ZHX2: variants seen among roughly 807,000 people sequenced by gnomAD.
The protein encoded by ZHX2 is zinc fingers and homeoboxes protein 2.
ZHX2 carries 6 observed loss-of-function variants against 21.9 expected under a neutral mutation model. That is an observed-to-expected ratio of 0.27 (90% confidence interval 0.15 to 0.54). The LOEUF (loss-of-function observed/expected upper bound fraction) is 0.54, where lower values mean the gene tolerates loss of function less well. ZHX2 is among the 20% of genes least tolerant of loss of function. The pLI is 0.95. For synonymous variants in ZHX2, 434 were observed against 437.1 expected (o/e 0.99, Z 0.09); for missense variants, 908 against 1,090.7 (o/e 0.83, Z 2.36).
At chr8:122,917,854 T>TC (rs1261099380) in intron 2 of ZHX2, among the ~76,000 whole-genome samples, 4 of 152,114 alleles carry the variant, frequency 2.6e-5, no homozygotes, top group African/African-American at 9.7e-5. Flanking sequence ...CACTGTGCAT[T>TC]CCTCACCCAC....
At chr8:122,815,622 G>A (rs1818014628) in intron 1 of ZHX2, 1 of 156,146 alleles carries the variant, frequency 6.4e-6, no homozygotes, top group South Asian at 2.0e-4. Context: ...AAAGGATTTA[G>A]ACTATGACTT....
At chr8:122,907,927 A>G (rs949206081) in intron 2 of ZHX2, among the ~76,000 whole-genome samples, 9 of 152,172 alleles carry the variant, frequency 5.9e-5, no homozygotes, top group Admixed American at 3.3e-4. Flanking sequence ...TCCAATGCCT[A>G]TTGCTGCATT....
At chr8:122,944,536 C>T (rs1055100756) in intron 2 of ZHX2, among the ~76,000 whole-genome samples, 3 of 152,090 alleles carry the variant, frequency 2.0e-5, no homozygotes, top group Non-Finnish European at 2.9e-5. Flanking sequence ...AAAAGGAAGT[C>T]GCTGACCACA....
At chr8:122,879,666 C>T (rs578161319) in intron 2 of ZHX2, among the ~76,000 whole-genome samples, 7 of 152,240 alleles carry the variant, frequency 4.6e-5, no homozygotes, top group Admixed American at 1.3e-4. Context: ...GTGGCAAAGG[C>T]AGATGTTACC....
At chr8:122,797,058 A>T (rs1159958838) in intron 1 of ZHX2, among the ~76,000 whole-genome samples, 1 of 152,226 alleles carries the variant, frequency 6.6e-6, no homozygotes, top group Non-Finnish European at 1.5e-5. Context: ...GGTTTCCTTC[A>T]GGTGCAGGAA....
At chr8:122,841,060 T>A (rs1208111590) in intron 1 of ZHX2, among the ~76,000 whole-genome samples, 2 of 152,182 alleles carry the variant, frequency 1.3e-5, no homozygotes, top group African/African-American at 2.4e-5. Context: ...CACTGAGCAT[T>A]GACTGTTTAC....
chr8:122,797,226 A>G (rs1445794559), intron 1 of ZHX2, among the ~76,000 whole-genome samples: 1 of 152,210 alleles, frequency 6.6e-6, no homozygotes, highest in Non-Finnish European at 1.5e-5. Context: ...TCTGTAAGGC[A>G]GCTTTCCTCC....
Position 122,844,575 on chromosome 8 carries a change from T to C in ZHX2, c.-282-18902T>C, listed in dbSNP as rs2130721350. 2.6e-5 allele frequency among the ~76,000 whole-genome samples: 4 copies of C among 152,202 alleles called. No homozygotes were observed. In the South Asian group the frequency reaches 8.3e-4, roughly 32 times the overall value. On this transcript the variant is annotated intron_variant, in intron 1 of 3. Coordinates refer to ENST00000314393, the MANE Select transcript of ZHX2 (RefSeq NM_014943.5). ...GAGAGAGGAGGTAACTTGCTGGAGG[T>C]CACAGATGAGTGAAGTGACGAGGGA...
intron 2 of ZHX2, among the ~76,000 whole-genome samples, chr8:122,884,761 A>T (rs5015914): frequency 0.55 from 83,635 of 152,002 alleles, 23,248 homozygotes; most frequent in South Asian, 0.67. Flanking sequence ...GGAGCATGTG[A>T]GCCCGGTCCA....
At chr8:122,789,265 C>T (rs2130528157) in intron 1 of ZHX2, among the ~76,000 whole-genome samples, 1 of 152,308 alleles carries the variant, frequency 6.6e-6, no homozygotes, top group South Asian at 2.1e-4. Context: ...AGCTGCAGAG[C>T]CATTTAGTTA....
At chr8:122,896,790 G>A (rs1450280304) in intron 2 of ZHX2, among the ~76,000 whole-genome samples, 1 of 152,216 alleles carries the variant, frequency 6.6e-6, no homozygotes, top group African/African-American at 2.4e-5. Context: ...TATGAAGGGA[G>A]CTTTGTAAAT....
chr8:122,911,789 C>T (rs1182299562), intron 2 of ZHX2, among the ~76,000 whole-genome samples: 1 of 152,122 alleles, frequency 6.6e-6, no homozygotes. Context: ...GTGGGACTTA[C>T]CCTCATCTGG....
At chr8:122,920,606 G>A (rs1316303245) in intron 2 of ZHX2, among the ~76,000 whole-genome samples, 9 of 152,204 alleles carry the variant, frequency 5.9e-5, no homozygotes, top group Non-Finnish European at 1.3e-4. Flanking sequence ...CTCATGCGGT[G>A]TGGTGTAGCT....
intron 1 of ZHX2, among the ~76,000 whole-genome samples, chr8:122,819,274 C>T (rs947940159): frequency 1.3e-5 from 2 of 152,224 alleles, no homozygotes; most frequent in African/African-American, 4.8e-5. Flanking sequence ...CCTGACCACT[C>T]TGCACCTCTG....
chr8:122,799,847 T>G (rs35031566), intron 1 of ZHX2, among the ~76,000 whole-genome samples: 9,825 of 152,248 alleles, frequency 0.065, 430 homozygotes, highest in African/African-American at 0.12. Context: ...CATTTGCTTT[T>G]CTTTTCTTTT....
chr8:122,877,554 G>T (rs1819599976), intron 2 of ZHX2, among the ~76,000 whole-genome samples: 1 of 152,184 alleles, frequency 6.6e-6, no homozygotes, highest in Non-Finnish European at 1.5e-5. Context: ...AGGTCCTGAG[G>T]CTGGGAAGAG....
intron 2 of ZHX2, among the ~76,000 whole-genome samples, chr8:122,872,551 G>C (rs946975550): frequency 1.3e-5 from 2 of 152,180 alleles, no homozygotes; most frequent in African/African-American, 4.8e-5. Flanking sequence ...CTATAGTCCA[G>C]CTAAAACTTT....
chr8:122,817,585 T>C (rs984353131), intron 1 of ZHX2, among the ~76,000 whole-genome samples: 1 of 152,250 alleles, frequency 6.6e-6, no homozygotes, highest in Non-Finnish European at 1.5e-5. Context: ...AACTGAAGTC[T>C]TGGCTGCACT....
chr8:122,905,803 G>A (rs537294706), intron 2 of ZHX2, among the ~76,000 whole-genome samples: 4 of 152,282 alleles, frequency 2.6e-5, no homozygotes, highest in South Asian at 4.1e-4. Context: ...TTGGGTTGGC[G>A]CAAACATGAT....
Sources: gnomAD v4.1 joint callset for allele counts (sites outside exome capture counted in the v4.1 genomes callset) on GRCh38, gnomAD v4.1.1 for gene constraint, MANE v1.5 for transcripts, NCBI Gene and HGNC (gene_info 2026-07-23, HGNC 2026-07-21) for gene names.